MRE11: variants seen among roughly 807,000 people sequenced by gnomAD.
MRE11 encodes the protein double-strand break repair protein MRE11.
In MRE11, 62 loss-of-function variants were observed where a neutral mutation model predicts 91.7. The ratio of observed to expected loss-of-function variants is 0.68; its 90% CI spans 0.55 to 0.84. MRE11 has a LOEUF of 0.84. Among genes scored for constraint, MRE11 ranks in the 40% least tolerant of loss-of-function variants. The probability of loss-of-function intolerance (pLI) is 0.00; values close to 1 mark genes in which losing one functional copy is unlikely to be tolerated. For synonymous variants in MRE11, 273 were observed against 271.4 expected (o/e 1.01, Z -0.06); for missense variants, 796 against 852.9 (o/e 0.93, Z 0.83).
chr11:94,439,340 A>C (rs1343276832), intron 16 of MRE11, among the ~76,000 whole-genome samples: 1 of 152,200 alleles, frequency 6.6e-6, no homozygotes, highest in Non-Finnish European at 1.5e-5. Flanking sequence ...ATACTTAAAA[A>C]ATCAGTTCAT....
the MRE11 span, among the ~76,000 whole-genome samples, chr11:94,502,113 C>T: frequency 3.3e-5 from 5 of 152,072 alleles, no homozygotes; most frequent in Non-Finnish European, 7.4e-5. Context: ...ATGTGCTTCA[C>T]GTGTGTGATA....
intron 16 of MRE11, 72 bp downstream of exon 16, chr11:94,445,738 G>C (rs201208681): frequency 6.6e-6 from 7 of 1,065,932 alleles, no homozygotes; most frequent in South Asian, 3.8e-5. Flanking sequence ...ACAAATAAGG[G>C]CTACCAATGG....
At chr11:94,509,554 TGCCTCA>T in the MRE11 span, among the ~76,000 whole-genome samples, 2 of 152,278 alleles carry the variant, frequency 1.3e-5, no homozygotes, top group South Asian at 4.1e-4. Flanking sequence ...GTGATTCTCC[TGCCTCA>T]GCCTCCGGAG....
the MRE11 span, among the ~76,000 whole-genome samples, chr11:94,508,965 T>C: frequency 2.0e-5 from 3 of 152,150 alleles, no homozygotes; most frequent in Non-Finnish European, 4.4e-5. Flanking sequence ...TTTCACCATG[T>C]TGGCCAGGTT....
At chr11:94,495,649 T>G (rs776451133), upstream of MRE11, among the ~76,000 whole-genome samples, 1 of 152,226 alleles carries the variant, frequency 6.6e-6, no homozygotes, top group Non-Finnish European at 1.5e-5. Flanking sequence ...TGTGTAACCC[T>G]TTAAGCTGAT....
chr11:94,447,024 C>A (rs552891236), intron 15 of MRE11, among the ~76,000 whole-genome samples, 195 bp downstream of exon 15: 6 of 152,064 alleles, frequency 3.9e-5, no homozygotes, highest in Non-Finnish European at 5.9e-5. Flanking sequence ...TGCATGTGGC[C>A]ATTCAAAATT....
At position 94,487,277 on chromosome 11, in the gene MRE11, C is replaced by T. The variant is rs529480067; in HGVS notation, c.154-1193G>A. ...TATGTTATGTATTTAATATATTTTG[C>T]CATCATTCAAACATTTAAAAAAATT... On this transcript the variant is annotated intron_variant, in intron 3 of 19. Transcript: ENST00000323929. 3.9e-5 allele frequency among the ~76,000 whole-genome samples: 6 copies of T among 152,188 alleles called. No homozygotes were observed. The East Asian group carries it at 1.2e-3, about 29-fold the overall frequency.
At chr11:94,423,579 G>A (rs1945231046) in intron 19 of MRE11, among the ~76,000 whole-genome samples, 1 of 152,224 alleles carries the variant, frequency 6.6e-6, no homozygotes, top group East Asian at 1.9e-4. Context: ...AGGAACATCT[G>A]TTCTGCAGGC....
At chr11:94,475,731 A>G in intron 7 of MRE11, 1 of 429,746 alleles carries the variant, frequency 2.3e-6, no homozygotes, top group South Asian at 1.7e-5. Context: ...ATGTCTAAGA[A>G]TGTTCATAAC....
At position 94,445,910 on chromosome 11, in the gene MRE11, C is replaced by G; in HGVS notation, c.1784-17G>C. On this transcript the variant is annotated splice_polypyrimidine_tract_variant and intron_variant, in intron 15 of 19. Coordinates refer to ENST00000323929, the MANE Select transcript of MRE11 (RefSeq NM_005591.4). ...CAGTGTCTGCTGTTAGAAAAATGAA[C>G]AGTCAATGTACAAGCCTATCAGCAG... The G allele has an allele frequency of 6.3e-7, 1 of 1,584,756 alleles. No homozygotes were observed. Among genetic ancestry groups the G allele is most frequent in the Non-Finnish European group, 8.7e-7 (1 of 1,153,238 alleles).
intron 4 of MRE11, among the ~76,000 whole-genome samples, chr11:94,480,873 G>T (rs1023666077): frequency 6.6e-6 from 1 of 152,070 alleles, no homozygotes; most frequent in Non-Finnish European, 1.5e-5. Flanking sequence ...GCCTGGAGAG[G>T]GGGCCATCCA....
intron 14 of MRE11, 82 bp downstream of exon 14, chr11:94,456,194 T>C (rs1053298886): frequency 1.5e-6 from 2 of 1,325,924 alleles, no homozygotes; most frequent in African/African-American, 1.5e-5. Flanking sequence ...ACCTATGGAC[T>C]GACTATTCTA....
intron 18 of MRE11, among the ~76,000 whole-genome samples, chr11:94,432,099 A>T (rs1332740744): frequency 1.3e-5 from 2 of 152,132 alleles, no homozygotes; most frequent in African/African-American, 4.8e-5. Flanking sequence ...TCTTCCAATA[A>T]ATCTCCTTTT....
intron 4 of MRE11, 129 bp downstream of exon 4, chr11:94,485,795 A>G: frequency 1.1e-6 from 1 of 892,972 alleles, no homozygotes. Context: ...ATGTACAAAA[A>G]AATTCAAAGA....
intron 19 of MRE11, among the ~76,000 whole-genome samples, chr11:94,423,124 C>A (rs1945217921): frequency 6.6e-6 from 1 of 152,178 alleles, no homozygotes; most frequent in Non-Finnish European, 1.5e-5. Context: ...AGTAAGCCAA[C>A]ATATTTTGAG....
intron 14 of MRE11, among the ~76,000 whole-genome samples, chr11:94,448,197 A>G (rs183282722): frequency 1.4e-4 from 22 of 152,310 alleles, no homozygotes; most frequent in Non-Finnish European, 2.9e-5. Flanking sequence ...TGAATATTAC[A>G]TATTTTCTAT....
At chr11:94,436,612 G>C (rs1406584401) in intron 17 of MRE11, among the ~76,000 whole-genome samples, 1 of 152,168 alleles carries the variant, frequency 6.6e-6, no homozygotes, top group South Asian at 2.1e-4. Context: ...TGATGTAAAG[G>C]GAAGAGTATT....
intron 4 of MRE11, 32 bp downstream of exon 4, chr11:94,485,892 A>C: frequency 6.3e-7 from 1 of 1,599,120 alleles, no homozygotes; most frequent in Admixed American, 1.7e-5. Flanking sequence ...ATACACAAGT[A>C]ATCACTCACT....
At chr11:94,470,349 T>C in intron 9 of MRE11, 122 bp downstream of exon 9, 2 of 1,021,206 alleles carry the variant, frequency 2.0e-6, no homozygotes, top group Non-Finnish European at 1.5e-6. Context: ...ACAGTGTCCT[T>C]ACAGGCTTCA....
Sources: allele counts gnomAD v4.1 joint callset (sites outside exome capture counted in the v4.1 genomes callset), GRCh38; gene constraint gnomAD v4.1.1; transcripts MANE v1.5; gene names NCBI Gene and HGNC (gene_info 2026-07-23, HGNC 2026-07-21).